Variants in LRRC4C observed in about 807,000 individuals in gnomAD.
LRRC4C encodes leucine rich repeat containing 4C.
Under a neutral mutation model 33.6 loss-of-function variants are expected in LRRC4C, and 5 were observed. That is an observed-to-expected ratio of 0.15 (90% CI 0.08 to 0.31). LRRC4C has a LOEUF of 0.31. LRRC4C is among the 10% of genes least tolerant of loss of function. LRRC4C has a pLI of 1.00. For missense variants in LRRC4C, 560 were observed against 796.7 expected (o/e 0.70, Z 3.58); for synonymous variants, 329 against 302.0 (o/e 1.09, Z -0.93).
chr11:40,159,092 T>A (rs1858948212), intron 5 of LRRC4C, among the ~76,000 whole-genome samples: 1 of 152,204 alleles, frequency 6.6e-6, no homozygotes, highest in South Asian at 2.1e-4. Context: ...TTTCTACGTA[T>A]AGGGAAAATC....
intron 2 of LRRC4C, among the ~76,000 whole-genome samples, chr11:40,680,266 G>A (rs1309341448): frequency 6.6e-6 from 1 of 152,178 alleles, no homozygotes; most frequent in Non-Finnish European, 1.5e-5. Context: ...GATTTTACAG[G>A]CTTACAGGTG....
intron 3 of LRRC4C, among the ~76,000 whole-genome samples, chr11:40,624,655 G>A (rs548070933): frequency 6.6e-6 from 1 of 152,258 alleles, no homozygotes; most frequent in South Asian, 2.1e-4. Flanking sequence ...TCCACAACTA[G>A]TGGCACATAC....
rs543774171 is a variant in LRRC4C, at chr11:40,266,785, T to A, written c.-175-25187A>T. On this transcript the variant is annotated intron_variant, in intron 4 of 6. Transcript: ENST00000528697. The stretch of plus-strand genomic sequence containing the variant: ...AAGGAAGAATTCATAGCTTGCCCAA[T>A]GGAGTATAGTCAGTCAATAATAGAG... Among the ~76,000 whole-genome samples the A allele has an allele frequency of 1.2e-3, 190 of 152,254 alleles. 2 individuals are homozygous for A. Among genetic ancestry groups the A allele is most frequent in the Non-Finnish European group, 1.6e-3 (106 of 68,028 alleles).
chr11:41,226,004 T>G (rs1175002191), intron 1 of LRRC4C, among the ~76,000 whole-genome samples: 1 of 152,188 alleles, frequency 6.6e-6, no homozygotes, highest in Non-Finnish European at 1.5e-5. Context: ...TAGACATGAC[T>G]GCTTTTACTA....
rs567110878 is a variant in LRRC4C at position 40,584,041 on chromosome 11, C to A, written c.-270+64101G>T. On this transcript the variant is annotated intron_variant, in intron 3 of 6. Transcript: ENST00000528697. ...CAAAGAGATCAGGGACGGAAGAAAC[C>A]AAGACTTGAAGTCAATGATCACTTA... 4.6e-5 allele frequency among the ~76,000 whole-genome samples: 7 copies of A among 151,324 alleles called. No individual in the cohort carries two copies. The South Asian group carries it at 1.3e-3, about 27-fold the overall frequency.
intron 1 of LRRC4C, among the ~76,000 whole-genome samples, chr11:41,328,491 G>A (rs980773684): frequency 1.3e-5 from 2 of 152,016 alleles, no homozygotes; most frequent in African/African-American, 4.8e-5. Flanking sequence ...TCCAGACAAA[G>A]CCACCACACT....
chr11:41,006,816 C>T (rs2137463589), intron 1 of LRRC4C, among the ~76,000 whole-genome samples: 1 of 152,190 alleles, frequency 6.6e-6, no homozygotes, highest in East Asian at 1.9e-4. Context: ...TCAAACCTAC[C>T]TAACATGCAC....
intron 1 of LRRC4C, among the ~76,000 whole-genome samples, chr11:41,279,381 AACACACACACAC>A (rs575973002): frequency 0.022 from 2,802 of 126,414 alleles, 41 homozygotes; most frequent in South Asian, 0.042. Flanking sequence ...CACACACACA[AACACACACACAC>A]ACACACACAC....
intron 5 of LRRC4C, among the ~76,000 whole-genome samples, chr11:40,211,493 T>C (rs1863604660): frequency 6.6e-6 from 1 of 152,284 alleles, no homozygotes; most frequent in Non-Finnish European, 1.5e-5. Context: ...TAACTATATC[T>C]AAAAATGTAA....
intron 2 of LRRC4C, among the ~76,000 whole-genome samples, chr11:40,652,346 C>G (rs1325408039): frequency 6.6e-6 from 1 of 152,172 alleles, no homozygotes; most frequent in Admixed American, 6.5e-5. Context: ...CAGTGTTATA[C>G]TCTTTATCTC....
At chr11:40,722,555 C>T (rs1032198247) in intron 2 of LRRC4C, among the ~76,000 whole-genome samples, 3 of 152,186 alleles carry the variant, frequency 2.0e-5, no homozygotes, top group Non-Finnish European at 4.4e-5. Flanking sequence ...ACATACACTG[C>T]AGTCAAACAC....
intron 1 of LRRC4C, among the ~76,000 whole-genome samples, chr11:41,283,543 G>GA (rs1459074933): frequency 1.3e-5 from 2 of 152,204 alleles, no homozygotes; most frequent in Admixed American, 1.3e-4. Flanking sequence ...TCTGACCTGT[G>GA]AAAATTGTAT....
At chr11:40,903,147 T>C (rs1032358344) in intron 2 of LRRC4C, among the ~76,000 whole-genome samples, 10 of 152,126 alleles carry the variant, frequency 6.6e-5, no homozygotes, top group Non-Finnish European at 1.0e-4. Flanking sequence ...TCTATGTTGA[T>C]GCTAATGCCC....
At chr11:40,513,146 G>A (rs762680819) in intron 3 of LRRC4C, among the ~76,000 whole-genome samples, 37 of 151,384 alleles carry the variant, frequency 2.4e-4, no homozygotes, top group Non-Finnish European at 4.1e-4. Flanking sequence ...CTACTTGGGA[G>A]GCTGAGGCAG....
chr11:41,362,507 G>T (rs1952390494), intron 1 of LRRC4C, among the ~76,000 whole-genome samples: 1 of 152,162 alleles, frequency 6.6e-6, no homozygotes, highest in African/African-American at 2.4e-5. Flanking sequence ...TATCCTCAGG[G>T]TTAATCAGTG....
chr11:40,676,859 C>A (rs1172716351), intron 2 of LRRC4C, among the ~76,000 whole-genome samples: 1 of 152,106 alleles, frequency 6.6e-6, no homozygotes, highest in African/African-American at 2.4e-5. Context: ...TAAAAACATT[C>A]CCCAGTTTCT....
chr11:40,896,848 G>C (rs879603889), intron 2 of LRRC4C, among the ~76,000 whole-genome samples: 5 of 152,158 alleles, frequency 3.3e-5, no homozygotes, highest in Non-Finnish European at 5.9e-5. Context: ...TCAAGGAGAC[G>C]TATTAAAGCA....
intron 1 of LRRC4C, among the ~76,000 whole-genome samples, chr11:41,031,705 G>A (rs1358730244): frequency 1.3e-5 from 2 of 151,988 alleles, no homozygotes; most frequent in Non-Finnish European, 2.9e-5. Context: ...AAAAGAGAAA[G>A]CTAAGATCAG....
chr11:41,157,034 C>A (rs1344704333), intron 1 of LRRC4C, among the ~76,000 whole-genome samples: 2 of 152,028 alleles, frequency 1.3e-5, no homozygotes, highest in African/African-American at 4.8e-5. Context: ...AACAGCATTC[C>A]TCCCCTCTGG....
Sources: gnomAD v4.1 joint callset for allele counts (sites outside exome capture counted in the v4.1 genomes callset) on GRCh38, gnomAD v4.1.1 for gene constraint, MANE v1.5 for transcripts, NCBI Gene and HGNC (gene_info 2026-07-23, HGNC 2026-07-21) for gene names.